The following SLC25A26 variants were observed in gnomAD, a reference collection of about 807,000 sequenced individuals.
SLC25A26 encodes the protein solute carrier family 25 member 26, also known as mitochondrial S-adenosylmethionine carrier protein.
A neutral mutation model predicts 37.8 loss-of-function variants in SLC25A26; 36 were observed. The ratio of observed to expected loss-of-function variants is 0.95; its 90% CI spans 0.73 to 1.26. The LOEUF is 1.26. Ranked by LOEUF, SLC25A26 falls within the 50% of genes most tolerant of loss-of-function variation. The pLI is 0.00. For missense variants in SLC25A26, 390 were observed against 331.1 expected, an observed-to-expected ratio of 1.18 and a Z score of -1.38; for synonymous variants, 129 against 122.5, an observed-to-expected ratio of 1.05 and a Z score of -0.35.
At chr3:66,336,631 A>G (rs2107700063) in intron 5 of SLC25A26, among the ~76,000 whole-genome samples, 1 of 152,334 alleles carries the variant, frequency 6.6e-6, no homozygotes, top group Admixed American at 6.5e-5. Context: ...GACTGAAGTC[A>G]GTACTGCTTA....
intron 3 of SLC25A26, among the ~76,000 whole-genome samples, chr3:66,253,208 C>A (rs1243034419): frequency 6.6e-6 from 1 of 151,570 alleles, no homozygotes; most frequent in Non-Finnish European, 1.5e-5. Flanking sequence ...GAGATCAAGA[C>A]CGTCCTGGCT....
At chr3:66,369,025 C>CAA (rs1201555171) in intron 7 of SLC25A26, among the ~76,000 whole-genome samples, 8 of 32,938 alleles carry the variant, frequency 2.4e-4, no homozygotes, top group East Asian at 1.6e-3. Flanking sequence ...CCTGTCTTTT[C>CAA]AAAAAAAAAA....
intron 1 of SLC25A26, among the ~76,000 whole-genome samples, chr3:66,202,391 A>C (rs879252676): frequency 0.54 from 82,613 of 151,774 alleles, 24,872 homozygotes; most frequent in Middle Eastern, 0.79. Context: ...GACGGATAGC[A>C]TTAGAAGAAA....
At chr3:66,230,076 G>A (rs1300357250) in intron 1 of SLC25A26, among the ~76,000 whole-genome samples, 1 of 152,190 alleles carries the variant, frequency 6.6e-6, no homozygotes, top group African/African-American at 2.4e-5. Context: ...TTGACTGCAA[G>A]ATTTTTTCTG....
intron 5 of SLC25A26, among the ~76,000 whole-genome samples, chr3:66,334,546 C>T (rs2076051363): frequency 6.6e-6 from 1 of 151,952 alleles, no homozygotes. Context: ...GAACTTTTGG[C>T]CTTAACTGAT....
chr3:66,155,034 G>A (rs967596137), intron 1 of SLC25A26, among the ~76,000 whole-genome samples: 3 of 152,178 alleles, frequency 2.0e-5, no homozygotes, highest in Non-Finnish European at 4.4e-5. Context: ...TACATAGTAG[G>A]CAGCATGTGC....
intron 5 of SLC25A26, among the ~76,000 whole-genome samples, chr3:66,302,545 C>T (rs1463945612): frequency 2.0e-5 from 3 of 152,182 alleles, no homozygotes; most frequent in East Asian, 1.9e-4. Flanking sequence ...TTGCTGCCAG[C>T]AGTTTAGAGT....
chr3:66,184,808 T>G (rs1011682575), intron 1 of SLC25A26, among the ~76,000 whole-genome samples: 3 of 152,042 alleles, frequency 2.0e-5, no homozygotes, highest in Non-Finnish European at 2.9e-5. Context: ...ACCCTAAACT[T>G]AAATTTCAAC....
intron 6 of SLC25A26, among the ~76,000 whole-genome samples, chr3:66,347,162 A>G (rs372562747): frequency 1.3e-4 from 20 of 152,358 alleles, no homozygotes; most frequent in African/African-American, 4.6e-4. Context: ...ACAGCAAAAG[A>G]AACTATCATC....
intron 1 of SLC25A26, among the ~76,000 whole-genome samples, chr3:66,179,663 G>T (rs1029396184): frequency 6.6e-6 from 1 of 151,626 alleles, no homozygotes; most frequent in African/African-American, 2.4e-5. Context: ...TCCCTCTATA[G>T]AACTATAACA....
rs186344397 is a variant in SLC25A26, at chr3:66,316,509, T to C, written c.454-29855T>C. Among the ~76,000 whole-genome samples, 437 of 152,254 alleles carry C rather than the reference T, an allele frequency of 2.9e-3. 1 individual carries two copies. The highest frequency in any genetic ancestry group is 0.01 in the Middle Eastern group (3 of 294). ...GCTCTTAGTCTAATGGGCCTCCCTG[T>C]AGAGATGAGCGGCCTTTCTCTCTGG... On this transcript the variant is annotated intron_variant, in intron 5 of 9. Coordinates refer to ENST00000354883, the MANE Select transcript of SLC25A26 (RefSeq NM_001379210.1).
chr3:66,261,505 T>C (rs995618332), intron 3 of SLC25A26: 1 of 152,774 alleles, frequency 6.5e-6, no homozygotes. Flanking sequence ...TGAGGATGAC[T>C]CAAGTCTGCT....
At chr3:66,187,796 G>A (rs1441203925) in intron 1 of SLC25A26, among the ~76,000 whole-genome samples, 2 of 150,910 alleles carry the variant, frequency 1.3e-5, no homozygotes, top group Non-Finnish European at 3.0e-5. Flanking sequence ...TGGCCCTTAT[G>A]CTGACCCTCA....
At chr3:66,347,788 G>C (rs371902466) in intron 6 of SLC25A26, among the ~76,000 whole-genome samples, 48 of 152,294 alleles carry the variant, frequency 3.2e-4, no homozygotes, top group African/African-American at 1.1e-3. Flanking sequence ...GGAATACTAT[G>C]CAGCCATAAA....
chr3:66,260,417 T>C (rs549117029), intron 3 of SLC25A26, among the ~76,000 whole-genome samples: 1 of 152,346 alleles, frequency 6.6e-6, no homozygotes, highest in East Asian at 1.9e-4. Context: ...AGCATTCAAA[T>C]GTTCAGTGAA....
chr3:66,338,163 A>C (rs2107705621), intron 5 of SLC25A26, among the ~76,000 whole-genome samples: 2 of 152,092 alleles, frequency 1.3e-5, no homozygotes, highest in African/African-American at 4.8e-5. Flanking sequence ...TGTCCATGTT[A>C]CAGCAATGTA....
chr3:66,377,926 T>C lies in SLC25A26; in HGVS notation c.*119T>C, dbSNP rs1025905366. On this transcript the variant is annotated 3_prime_UTR_variant, in exon 10 of 10. Coordinates refer to ENST00000354883, the MANE Select transcript of SLC25A26 (RefSeq NM_001379210.1). Reference sequence around the variant, plus strand: ...GTGCTGAAGACCAGTTGTGCTAAGATACCGGCATGGAGATTGTGCCATCCG... The same window carrying C: ...GTGCTGAAGACCAGTTGTGCTAAGACACCGGCATGGAGATTGTGCCATCCG... The C allele has an allele frequency of 1.3e-6, 1 of 763,432 alleles. No individual in the cohort carries two copies. The highest frequency in any genetic ancestry group is 2.2e-6 in the Non-Finnish European group (1 of 452,616). The allele number at this position is 763,432 out of a possible 1,614,324, so 47.3% of individuals were successfully genotyped here. A position where few individuals can be genotyped will look rare whatever the true frequency, so the allele number is the denominator to read the frequency against.
intron 1 of SLC25A26, among the ~76,000 whole-genome samples, chr3:66,160,318 T>C (rs1416498204): frequency 2.0e-5 from 3 of 152,186 alleles, no homozygotes; most frequent in African/African-American, 7.2e-5. Flanking sequence ...GATGGCTTTA[T>C]TGACTTGATT....
intron 1 of SLC25A26, among the ~76,000 whole-genome samples, chr3:66,147,993 G>A (rs1008368279): frequency 5.3e-5 from 8 of 152,102 alleles, no homozygotes; most frequent in East Asian, 3.9e-4. Context: ...TCCTGACCTC[G>A]TGATCCGCCC....
Sources: gnomAD v4.1 joint callset for allele counts (sites outside exome capture counted in the v4.1 genomes callset) on GRCh38, gnomAD v4.1.1 for gene constraint, MANE v1.5 for transcripts, NCBI Gene and HGNC (gene_info 2026-07-23, HGNC 2026-07-21) for gene names.